BAZ1A: variants seen among roughly 807,000 people sequenced by gnomAD.
BAZ1A encodes bromodomain adjacent to zinc finger domain protein 1A.
A neutral mutation model predicts 185.2 loss-of-function variants in BAZ1A; 50 were observed. That is an observed-to-expected ratio of 0.27 (90% CI 0.22 to 0.34). The LOEUF (loss-of-function observed/expected upper bound fraction) is 0.34, where lower values mean the gene tolerates loss of function less well. BAZ1A is among the 10% of genes least tolerant of loss of function. BAZ1A has a pLI of 1.00. For synonymous variants in BAZ1A, 571 were observed against 615.6 expected, an observed-to-expected ratio of 0.93 and a Z score of 1.07; for missense variants, 1,356 against 1,839.9, an observed-to-expected ratio of 0.74 and a Z score of 4.81.
intron 4 of BAZ1A, among the ~76,000 whole-genome samples, chr14:34,819,140 CAAAAAAAAAA>C (rs71121223): frequency 1.4e-5 from 1 of 72,752 alleles, no homozygotes; most frequent in African/African-American, 5.7e-5. Flanking sequence ...GACTCTGTCT[CAAAAAAAAAA>C]AAAAAAAAAA....
At chr14:34,782,084 A>G (rs560472081) in intron 16 of BAZ1A, among the ~76,000 whole-genome samples, 16 of 152,332 alleles carry the variant, frequency 1.1e-4, no homozygotes, top group Middle Eastern at 3.4e-3. Flanking sequence ...TCATACAGTA[A>G]CAAATGGTTT....
At chr14:34,848,842 A>C (rs1290620712) in intron 3 of BAZ1A, among the ~76,000 whole-genome samples, 2 of 152,222 alleles carry the variant, frequency 1.3e-5, no homozygotes, top group East Asian at 3.8e-4. Context: ...ATATTAGGGA[A>C]AAGGTCTGTT....
chr14:34,873,643 G>A (rs969595977), intron 2 of BAZ1A, among the ~76,000 whole-genome samples: 4 of 152,146 alleles, frequency 2.6e-5, no homozygotes, highest in Admixed American at 1.3e-4. Flanking sequence ...CCTCCACCGC[G>A]CTTCCCGGCT....
chr14:34,781,811 T>A (rs1880060082), intron 16 of BAZ1A, among the ~76,000 whole-genome samples: 1 of 152,236 alleles, frequency 6.6e-6, no homozygotes. Context: ...GTAGCTTCTT[T>A]AGCATATATT....
intron 3 of BAZ1A, among the ~76,000 whole-genome samples, chr14:34,839,506 T>C (rs1439678586): frequency 7.4e-6 from 1 of 134,932 alleles, no homozygotes; most frequent in South Asian, 2.3e-4. Context: ...ATCACTACAC[T>C]CCAGCCTGGG....
intron 3 of BAZ1A, among the ~76,000 whole-genome samples, chr14:34,840,570 C>T (rs1005471465): frequency 1.3e-5 from 2 of 152,028 alleles, no homozygotes; most frequent in Non-Finnish European, 2.9e-5. Context: ...ACTAGCCTGA[C>T]CAGCGTGGTG....
At chr14:34,769,085 A>G (rs1185322641) in intron 21 of BAZ1A, among the ~76,000 whole-genome samples, 1 of 152,140 alleles carries the variant, frequency 6.6e-6, no homozygotes, top group Non-Finnish European at 1.5e-5. Flanking sequence ...AATGCCTACT[A>G]TGATTAATTT....
chr14:34,799,906 G>C (rs555148977), intron 9 of BAZ1A, among the ~76,000 whole-genome samples: 1 of 151,976 alleles, frequency 6.6e-6, no homozygotes, highest in Non-Finnish European at 1.5e-5. Flanking sequence ...CACTGCACCC[G>C]GCCTATTTTA....
chr14:34,762,526 G>C (rs1428256245), intron 23 of BAZ1A, among the ~76,000 whole-genome samples: 6 of 151,458 alleles, frequency 4.0e-5, no homozygotes, highest in Non-Finnish European at 8.8e-5. Context: ...ACCCAGGCTG[G>C]AGTGCTGTAG....
At chr14:34,777,372 G>C (rs1016619269) in intron 17 of BAZ1A, among the ~76,000 whole-genome samples, 1 of 152,162 alleles carries the variant, frequency 6.6e-6, no homozygotes, top group Non-Finnish European at 1.5e-5. Flanking sequence ...CGGCTGGCGC[G>C]GTGGCCCATG....
intron 14 of BAZ1A, among the ~76,000 whole-genome samples, chr14:34,784,468 G>A (rs1051879624): frequency 1.2e-4 from 18 of 149,116 alleles, no homozygotes; most frequent in Non-Finnish European, 2.5e-4. Context: ...TACTAGTTAA[G>A]TAAACATGAG....
chr14:34,791,612 T>G (rs188616919), intron 12 of BAZ1A, among the ~76,000 whole-genome samples: 1 of 152,346 alleles, frequency 6.6e-6, no homozygotes, highest in African/African-American at 2.4e-5. Context: ...TCCTGAATTA[T>G]CTAAGGTCAA....
rs370982920 is a variant in BAZ1A at position 34,794,901 on chromosome 14, C to T, written c.1225-14G>A. On this transcript the variant is annotated splice_polypyrimidine_tract_variant and intron_variant, in intron 10 of 26. Transcript: ENST00000360310. Reference sequence around the variant, plus strand: ...TTCTGGAAGTTCCTGAAATATTGAACAATTTATATAACTATTTGAACCAAG... The same window carrying T: ...TTCTGGAAGTTCCTGAAATATTGAATAATTTATATAACTATTTGAACCAAG... 6.2e-6 allele frequency: 10 copies of T among 1,606,740 alleles called. No homozygotes were observed. Among genetic ancestry groups the T allele is most frequent in the Non-Finnish European group, 8.5e-6 (10 of 1,178,136 alleles).
Position 34,775,942 on chromosome 14 carries a change from GA to G in BAZ1A, c.2809del (p.Ser937LeufsTer41). On this transcript the variant is annotated frameshift_variant, in exon 18 of 27. Coordinates refer to ENST00000360310, the MANE Select transcript of BAZ1A (RefSeq NM_013448.3). LOFTEE classifies it high-confidence loss of function. ...SRICAQLARF[S>X]EEKFHFSDKP... ...ACCTGAAAAATGAAATTTCTCTTCA[GA>G]AAAACGGGCTAGCTGTGCACATATT... 6.4e-7 allele frequency: 1 copy of G among 1,559,076 alleles called. No homozygotes were observed. The highest frequency in any genetic ancestry group is 8.7e-7 in the Non-Finnish European group (1 of 1,152,830).
chr14:34,859,324 C>T (rs1440675781), intron 3 of BAZ1A, among the ~76,000 whole-genome samples: 1 of 151,710 alleles, frequency 6.6e-6, no homozygotes, highest in Non-Finnish European at 1.5e-5. Context: ...GTCCCAGCTA[C>T]TCAGGAGGCT....
intron 21 of BAZ1A, among the ~76,000 whole-genome samples, chr14:34,770,813 C>G (rs1879164057): frequency 6.6e-6 from 1 of 152,126 alleles, no homozygotes; most frequent in Non-Finnish European, 1.5e-5. Flanking sequence ...CCTTTAAACA[C>G]TTGGTATTTC....
At chr14:34,758,036 A>G (rs553577474) in intron 25 of BAZ1A, among the ~76,000 whole-genome samples, 1 of 148,370 alleles carries the variant, frequency 6.7e-6, no homozygotes, top group Admixed American at 6.8e-5. Flanking sequence ...TGTGAGCCAC[A>G]GCGCCCGGCC....
At chr14:34,816,955 G>A in intron 4 of BAZ1A, 2 of 299,468 alleles carry the variant, frequency 6.7e-6, no homozygotes, top group Non-Finnish European at 6.9e-6. Context: ...TTGAGTGAAA[G>A]GAACAATAGC....
chr14:34,824,408 C>CA, intron 4 of BAZ1A, among the ~76,000 whole-genome samples: 16,446 of 65,866 alleles, frequency 0.25, 2,568 homozygotes, highest in Admixed American at 0.3. Flanking sequence ...AGCAGCAACT[C>CA]AAAAAAAAAA....
Sources: gnomAD v4.1 joint callset for allele counts (sites outside exome capture counted in the v4.1 genomes callset) on GRCh38, gnomAD v4.1.1 for gene constraint, MANE v1.5 for transcripts, NCBI Gene and HGNC (gene_info 2026-07-23, HGNC 2026-07-21) for gene names.